DLG2: variants seen among roughly 807,000 people sequenced by gnomAD.
The protein encoded by DLG2 is discs large MAGUK scaffold protein 2, also known as disks large homolog 2.
In DLG2, 45 loss-of-function variants were observed where a neutral mutation model predicts 132.5. That is an observed-to-expected ratio of 0.34 (90% CI 0.27 to 0.44). DLG2 has a LOEUF of 0.44. Among genes scored for constraint, DLG2 ranks in the 20% least tolerant of loss-of-function variants. The pLI is 1.00. For missense variants in DLG2, 1,045 were observed against 1,196.9 expected (o/e 0.87, Z 1.87); for synonymous variants, 424 against 419.6 (o/e 1.01, Z -0.13).
At chr11:85,350,122 C>G (rs980719002) in intron 3 of DLG2, among the ~76,000 whole-genome samples, 2 of 152,154 alleles carry the variant, frequency 1.3e-5, no homozygotes, top group Admixed American at 6.5e-5. Context: ...CATGAGATGG[C>G]ATCTCATTGT....
chr11:84,779,785 G>A (rs1475716193), intron 6 of DLG2, among the ~76,000 whole-genome samples: 1 of 151,920 alleles, frequency 6.6e-6, no homozygotes, highest in Non-Finnish European at 1.5e-5. Context: ...AGAGGAAATG[G>A]ATAAATTTCT....
chr11:84,450,843 C>T (rs773932444), intron 7 of DLG2, among the ~76,000 whole-genome samples: 2 of 151,090 alleles, frequency 1.3e-5, no homozygotes, highest in East Asian at 1.9e-4. Context: ...TTGTAGCCTC[C>T]GTGCCTAACA....
intron 9 of DLG2, among the ~76,000 whole-genome samples, chr11:84,135,845 G>A (rs1000775154): frequency 1.3e-5 from 2 of 152,222 alleles, no homozygotes; most frequent in South Asian, 2.1e-4. Flanking sequence ...CACACTGGGC[G>A]CAGTGTGAGT....
chr11:85,414,880 C>T (rs1470469732), intron 3 of DLG2, among the ~76,000 whole-genome samples: 1 of 152,038 alleles, frequency 6.6e-6, no homozygotes, highest in African/African-American at 2.4e-5. Flanking sequence ...CATTATTATA[C>T]TTTAAGTTCT....
chr11:85,101,756 G>C (rs2070882773), intron 6 of DLG2, among the ~76,000 whole-genome samples: 1 of 152,046 alleles, frequency 6.6e-6, no homozygotes, highest in Non-Finnish European at 1.5e-5. Flanking sequence ...ATCTCTGGGA[G>C]AACATTTCGT....
intron 15 of DLG2, among the ~76,000 whole-genome samples, chr11:83,914,117 TC>T (rs1232771378): frequency 1.3e-5 from 2 of 152,122 alleles, no homozygotes; most frequent in Non-Finnish European, 2.9e-5. Context: ...TGAAATTTCA[TC>T]CCCAGTGTTG....
chr11:84,211,868 A>C (rs956421146), intron 8 of DLG2, among the ~76,000 whole-genome samples: 1 of 152,222 alleles, frequency 6.6e-6, no homozygotes, highest in African/African-American at 2.4e-5. Flanking sequence ...ATTTATCAAA[A>C]TTAGAGTAGA....
At chr11:83,697,785 A>G (rs1592645325) in intron 18 of DLG2, among the ~76,000 whole-genome samples, 1 of 152,350 alleles carries the variant, frequency 6.6e-6, no homozygotes, top group Admixed American at 6.5e-5. Flanking sequence ...GGGATTTAAA[A>G]AGAACATGCA....
intron 6 of DLG2, among the ~76,000 whole-genome samples, chr11:84,975,839 C>A (rs2154116984): frequency 6.6e-6 from 1 of 152,284 alleles, no homozygotes; most frequent in East Asian, 1.9e-4. Flanking sequence ...ACCTCACTCC[C>A]CAGATTTCGT....
intron 19 of DLG2, among the ~76,000 whole-genome samples, chr11:83,592,065 G>A (rs2097197582): frequency 6.7e-6 from 1 of 149,802 alleles, no homozygotes; most frequent in East Asian, 2.0e-4. Context: ...TGGCCATACT[G>A]CCCAAGGTAA....
chr11:85,433,829 C>T (rs2091326975), intron 3 of DLG2, among the ~76,000 whole-genome samples: 1 of 152,172 alleles, frequency 6.6e-6, no homozygotes, highest in African/African-American at 2.4e-5. Flanking sequence ...TAATAAATAG[C>T]TACAGAAATC....
chr11:83,982,581 T>C (rs1416894985), intron 11 of DLG2, among the ~76,000 whole-genome samples: 1 of 152,032 alleles, frequency 6.6e-6, no homozygotes, highest in South Asian at 2.1e-4. Context: ...TAAGTGTTAT[T>C]ACAAAAGAGT....
chr11:84,702,377 T>G (rs2153743472), intron 6 of DLG2, among the ~76,000 whole-genome samples: 1 of 151,778 alleles, frequency 6.6e-6, no homozygotes, highest in East Asian at 1.9e-4. Context: ...ATGTGAATGG[T>G]TCACTATCAC....
intron 6 of DLG2, among the ~76,000 whole-genome samples, chr11:84,621,697 T>C (rs761019453): frequency 6.6e-6 from 1 of 152,130 alleles, no homozygotes; most frequent in Non-Finnish European, 1.5e-5. Context: ...CAGTTCCTAC[T>C]AATGGGTATT....
chr11:84,442,384 T>C (rs1296427241), intron 7 of DLG2, among the ~76,000 whole-genome samples: 1 of 152,044 alleles, frequency 6.6e-6, no homozygotes, highest in Non-Finnish European at 1.5e-5. Context: ...TGCAGGGACA[T>C]GGATGAAGGT....
intron 8 of DLG2, among the ~76,000 whole-genome samples, chr11:84,167,941 C>T (rs961802338): frequency 6.6e-6 from 1 of 152,216 alleles, no homozygotes; most frequent in African/African-American, 2.4e-5. Flanking sequence ...GCTGGGATTA[C>T]AGGCGTGAGC....
At chr11:84,312,821 T>G (rs188229882) in intron 7 of DLG2, among the ~76,000 whole-genome samples, 298 of 152,240 alleles carry the variant, frequency 2.0e-3, no homozygotes, top group African/African-American at 6.3e-3. Flanking sequence ...AGTAGTAGTA[T>G]TATTTTCAAG....
intron 6 of DLG2, among the ~76,000 whole-genome samples, chr11:84,593,119 C>CAA (rs750800070): frequency 8.6e-6 from 1 of 115,656 alleles, no homozygotes; most frequent in East Asian, 2.5e-4. Context: ...ACTCCATCTC[C>CAA]AAAAAAAAAA....
intron 6 of DLG2, among the ~76,000 whole-genome samples, chr11:84,797,128 T>C (rs1031612584): frequency 3.9e-5 from 6 of 152,184 alleles, no homozygotes; most frequent in Middle Eastern, 3.2e-3. Flanking sequence ...ATTACAGGCG[T>C]GAGCCACCAT....
Sources: gnomAD v4.1 joint callset for allele counts (sites outside exome capture counted in the v4.1 genomes callset) on GRCh38, gnomAD v4.1.1 for gene constraint, MANE v1.5 for transcripts, NCBI Gene and HGNC (gene_info 2026-07-23, HGNC 2026-07-21) for gene names.